BMPR1B: variants seen among roughly 807,000 people sequenced by gnomAD.
BMPR1B encodes bone morphogenetic protein receptor type-1B.
A neutral mutation model predicts 59.1 loss-of-function variants in BMPR1B; 12 were observed. The observed-to-expected ratio is 0.20, with a 90% CI of 0.13 to 0.33. The LOEUF is 0.33. BMPR1B is among the 10% of genes least tolerant of loss of function. The probability of loss-of-function intolerance (pLI) is 1.00; values close to 1 mark genes in which losing one functional copy is unlikely to be tolerated. For synonymous variants in BMPR1B, 237 were observed against 207.3 expected, an observed-to-expected ratio of 1.14 and a Z score of -1.23; for missense variants, 550 against 610.9, an observed-to-expected ratio of 0.90 and a Z score of 1.05.
At chr4:94,810,610 G>C (rs565494867) in intron 1 of BMPR1B, among the ~76,000 whole-genome samples, 1 of 152,180 alleles carries the variant, frequency 6.6e-6, no homozygotes, top group Admixed American at 6.5e-5. Flanking sequence ...TATATTTTAT[G>C]TGGCAGGTAG....
At chr4:94,806,338 T>C (rs1723603162) in intron 1 of BMPR1B, among the ~76,000 whole-genome samples, 2 of 152,206 alleles carry the variant, frequency 1.3e-5, no homozygotes, top group African/African-American at 2.4e-5. Context: ...TATACATACT[T>C]GGCCCAGTGA....
chr4:95,104,370 C>T (rs766881311), intron 3 of BMPR1B, 38 bp from the exon 4 acceptor site: 51 of 1,608,070 alleles, frequency 3.2e-5, no homozygotes, highest in Non-Finnish European at 4.3e-5. Context: ...GGGTAGTCTA[C>T]CCCACAGATG....
At chr4:94,815,100 T>G (rs1723961284) in intron 1 of BMPR1B, among the ~76,000 whole-genome samples, 1 of 152,134 alleles carries the variant, frequency 6.6e-6, no homozygotes, top group Non-Finnish European at 1.5e-5. Flanking sequence ...AGATGGGGTT[T>G]CGCCATGTTG....
At chr4:95,129,703 CAT>C (rs1486772180) in intron 8 of BMPR1B, among the ~76,000 whole-genome samples, 157 bp from the exon 9 acceptor site, 1 of 151,986 alleles carries the variant, frequency 6.6e-6, no homozygotes, top group South Asian at 2.1e-4. Context: ...AAGAGTGTAA[CAT>C]AAATTAATAA....
At chr4:94,877,070 C>G (rs894068666) in intron 2 of BMPR1B, among the ~76,000 whole-genome samples, 2 of 152,098 alleles carry the variant, frequency 1.3e-5, no homozygotes, top group African/African-American at 2.4e-5. Flanking sequence ...TTTCCCCTGG[C>G]TAAGTGTTGT....
At chr4:94,944,354 T>G (rs1022860089) in intron 2 of BMPR1B, among the ~76,000 whole-genome samples, 4 of 152,214 alleles carry the variant, frequency 2.6e-5, no homozygotes, top group Non-Finnish European at 5.9e-5. Context: ...ATTAGGAAAC[T>G]GGACTCCTCT....
chr4:94,857,342 G>A (rs557212392), intron 1 of BMPR1B, among the ~76,000 whole-genome samples: 264 of 152,238 alleles, frequency 1.7e-3, no homozygotes, highest in African/African-American at 6.1e-3. Flanking sequence ...ATATGTAGCC[G>A]TTTAGGCAGT....
chr4:94,946,136 G>A (rs1278155420), intron 2 of BMPR1B, among the ~76,000 whole-genome samples: 4 of 152,102 alleles, frequency 2.6e-5, no homozygotes, highest in African/African-American at 7.2e-5. Flanking sequence ...CTTGTCAAAA[G>A]TAGTGAGTAC....
At chr4:95,099,847 T>G (rs560368949) in intron 3 of BMPR1B, among the ~76,000 whole-genome samples, 2 of 152,150 alleles carry the variant, frequency 1.3e-5, no homozygotes, top group Non-Finnish European at 2.9e-5. Flanking sequence ...AAGATGAGGA[T>G]TTAGTTATTT....
intron 3 of BMPR1B, among the ~76,000 whole-genome samples, chr4:95,078,900 G>T (rs929682585): frequency 2.0e-5 from 3 of 152,046 alleles, no homozygotes; most frequent in Admixed American, 1.3e-4. Context: ...TGGGACCACA[G>T]GTGTACACCA....
At chr4:94,758,377 G>A (rs1721612441) in intron 1 of BMPR1B, among the ~76,000 whole-genome samples, 1 of 151,410 alleles carries the variant, frequency 6.6e-6, no homozygotes, top group Admixed American at 6.6e-5. Context: ...CGCAGGCGAG[G>A]AGTCGGGGCA....
At chr4:95,129,799 A>G in intron 8 of BMPR1B, 63 bp from the exon 9 acceptor site, 1 of 1,547,064 alleles carries the variant, frequency 6.5e-7, no homozygotes, top group African/African-American at 1.4e-5. Context: ...CTCTGGAGAA[A>G]AAAAGATTAA....
At chr4:94,814,593 T>C (rs1173024837) in intron 1 of BMPR1B, among the ~76,000 whole-genome samples, 3 of 152,186 alleles carry the variant, frequency 2.0e-5, no homozygotes, top group African/African-American at 7.2e-5. Flanking sequence ...ATAAGTATTA[T>C]AATGCAATAC....
At chr4:95,140,870 A>G (rs1331089487) in intron 10 of BMPR1B, among the ~76,000 whole-genome samples, 1 of 152,220 alleles carries the variant, frequency 6.6e-6, no homozygotes, top group Non-Finnish European at 1.5e-5. Context: ...CTATTATATT[A>G]TAGAAACTTA....
chr4:95,136,213 A>G (rs1733772052), intron 10 of BMPR1B, among the ~76,000 whole-genome samples: 1 of 152,134 alleles, frequency 6.6e-6, no homozygotes, highest in Non-Finnish European at 1.5e-5. Context: ...GATTATGTTC[A>G]TTGATTTGTG....
intron 3 of BMPR1B, among the ~76,000 whole-genome samples, chr4:95,096,198 C>T (rs1459797456): frequency 6.6e-6 from 1 of 151,568 alleles, no homozygotes; most frequent in Non-Finnish European, 1.5e-5. Flanking sequence ...TTATTGTCCA[C>T]TGTTTTCAAT....
intron 2 of BMPR1B, among the ~76,000 whole-genome samples, chr4:94,940,240 A>G (rs961038792): frequency 1.2e-4 from 19 of 152,228 alleles, no homozygotes; most frequent in African/African-American, 3.9e-4. Flanking sequence ...GGCAGCATGC[A>G]GCCCAGGACA....
chr4:94,779,321 T>C (rs1043067066), intron 1 of BMPR1B, among the ~76,000 whole-genome samples: 2 of 152,206 alleles, frequency 1.3e-5, no homozygotes, highest in South Asian at 2.1e-4. Context: ...CAAATTTCTC[T>C]ACACACATAT....
At chr4:94,862,730 G>GAC (rs1726038457) in intron 1 of BMPR1B, among the ~76,000 whole-genome samples, 2 of 151,706 alleles carry the variant, frequency 1.3e-5, no homozygotes, top group South Asian at 2.1e-4. Flanking sequence ...TGGATCATGA[G>GAC]GTCAGGAGAT....
Sources: allele counts gnomAD v4.1 joint callset (sites outside exome capture counted in the v4.1 genomes callset), GRCh38; gene constraint gnomAD v4.1.1; transcripts MANE v1.5; gene names NCBI Gene and HGNC (gene_info 2026-07-23, HGNC 2026-07-21).